COLEC12: variants seen among roughly 807,000 people sequenced by gnomAD.
COLEC12 encodes collectin subfamily member 12.
COLEC12 carries 33 observed loss-of-function variants against 71.1 expected under a neutral mutation model. That is an observed-to-expected ratio of 0.46 (90% CI 0.35 to 0.62). The LOEUF (loss-of-function observed/expected upper bound fraction) is 0.62. COLEC12 is among the 20% of genes least tolerant of loss of function. The pLI is 0.00. For missense variants in COLEC12, 765 were observed against 916.1 expected (o/e 0.84, Z 2.13); for synonymous variants, 350 against 353.0 (o/e 0.99, Z 0.10).
chr18:488,410 C>CA lies in COLEC12; in HGVS notation c.8-7654dup, dbSNP rs1917559107. Among the ~76,000 whole-genome samples the CA allele has an allele frequency of 2.0e-5, 3 of 150,850 alleles. No individual in the cohort carries two copies. The South Asian group carries it at 6.3e-4, about 32-fold the overall frequency. On this transcript the variant is annotated intron_variant, in intron 1 of 9. Coordinates refer to ENST00000400256, the MANE Select transcript of COLEC12 (RefSeq NM_130386.3). ...TGGGTGACAGAGCGTGACTCCATCT[C>CA]AAAAAAGAGAAAAAGAAAGAACTTT...
chr18:428,171 G>A (rs1444534229), intron 2 of COLEC12, among the ~76,000 whole-genome samples: 1 of 152,078 alleles, frequency 6.6e-6, no homozygotes, highest in Non-Finnish European at 1.5e-5. Context: ...GGCTGAGGCA[G>A]GAGAATCACT....
intron 2 of COLEC12, among the ~76,000 whole-genome samples, chr18:457,536 G>A (rs1916897201): frequency 6.6e-6 from 1 of 152,182 alleles, no homozygotes. Flanking sequence ...ATGTTGATTA[G>A]AGCTTCCCCC....
At chr18:364,173 T>G (rs1255328631) in intron 2 of COLEC12, among the ~76,000 whole-genome samples, 1 of 152,146 alleles carries the variant, frequency 6.6e-6, no homozygotes, top group African/African-American at 2.4e-5. Flanking sequence ...TGGTTTGGTT[T>G]TATTGTTTTT....
rs954126214 is a variant in COLEC12 at position 493,126 on chromosome 18, G to A, written c.7+7382C>T. ...GGAGGCTGAGGCAGGAGAATCGCTC[G>A]AACCCAAGAGACAGAGGTTACAGTG... is the stretch of plus-strand genomic sequence containing the variant. On this transcript the variant is annotated intron_variant, in intron 1 of 9. Coordinates refer to ENST00000400256, the MANE Select transcript of COLEC12 (RefSeq NM_130386.3). 1.1e-4 allele frequency among the ~76,000 whole-genome samples: 17 copies of A among 152,256 alleles called. No homozygotes were observed. In the East Asian group the frequency reaches 2.7e-3, roughly 24 times the overall value.
intron 2 of COLEC12, among the ~76,000 whole-genome samples, chr18:426,212 T>C (rs932840826): frequency 6.6e-6 from 1 of 152,190 alleles, no homozygotes; most frequent in Non-Finnish European, 1.5e-5. Flanking sequence ...ATTCCTAGGA[T>C]GTAATTAAGA....
At chr18:472,526 T>A (rs1035630455) in intron 2 of COLEC12, among the ~76,000 whole-genome samples, 8 of 150,800 alleles carry the variant, frequency 5.3e-5, no homozygotes, top group Non-Finnish European at 8.9e-5. Context: ...CAGAAAAAAA[T>A]TTTTTTAAAA....
At chr18:450,049 A>G (rs565238554) in intron 2 of COLEC12, among the ~76,000 whole-genome samples, 2 of 152,332 alleles carry the variant, frequency 1.3e-5, no homozygotes, top group East Asian at 3.9e-4. Context: ...TATTTAGTGA[A>G]GAAATTAGGC....
intron 6 of COLEC12, 175 bp downstream of exon 6, chr18:334,567 G>A (rs189467024): frequency 4.5e-5 from 20 of 439,778 alleles, no homozygotes; most frequent in Admixed American, 2.2e-4. Flanking sequence ...TGTGGAGGTT[G>A]CAGTGAGCCG....
chr18:409,979 T>C (rs1915862379), intron 2 of COLEC12, among the ~76,000 whole-genome samples: 1 of 152,214 alleles, frequency 6.6e-6, no homozygotes, highest in Non-Finnish European at 1.5e-5. Context: ...GATCTTCTAA[T>C]TACTAGCTGT....
At chr18:471,834 C>G (rs1333846501) in intron 2 of COLEC12, among the ~76,000 whole-genome samples, 1 of 152,044 alleles carries the variant, frequency 6.6e-6, no homozygotes, top group Non-Finnish European at 1.5e-5. Flanking sequence ...CAACCAGAGA[C>G]AGCCCATTCC....
intron 2 of COLEC12, among the ~76,000 whole-genome samples, chr18:359,136 G>A (rs1914689913): frequency 6.6e-6 from 1 of 152,176 alleles, no homozygotes; most frequent in Non-Finnish European, 1.5e-5. Context: ...GTTTGTTTCA[G>A]TGGCATGCTG....
intron 1 of COLEC12, among the ~76,000 whole-genome samples, chr18:487,076 G>T (rs925570360): frequency 2.6e-5 from 4 of 152,198 alleles, no homozygotes; most frequent in East Asian, 1.9e-4. Flanking sequence ...CAAGCCAAAG[G>T]TTCACTGACT....
chr18:398,909 G>A (rs1350539124), intron 2 of COLEC12, among the ~76,000 whole-genome samples: 1 of 152,170 alleles, frequency 6.6e-6, no homozygotes, highest in Non-Finnish European at 1.5e-5. Flanking sequence ...TTTATATATT[G>A]ATTCTAAGTG....
intron 7 of COLEC12, among the ~76,000 whole-genome samples, chr18:332,031 A>G (rs1274078224): frequency 1.3e-5 from 2 of 152,206 alleles, no homozygotes; most frequent in African/African-American, 4.8e-5. Context: ...TCACTCAGAC[A>G]ACCCAGTGAA....
chr18:439,869 T>A (rs1026118793), intron 2 of COLEC12, among the ~76,000 whole-genome samples: 5 of 152,300 alleles, frequency 3.3e-5, no homozygotes, highest in Middle Eastern at 3.4e-3. Context: ...AAAATCAGTA[T>A]CTTAAAGAGG....
chr18:414,242 G>A (rs1218381331), intron 2 of COLEC12, among the ~76,000 whole-genome samples: 1 of 152,182 alleles, frequency 6.6e-6, no homozygotes, highest in Non-Finnish European at 1.5e-5. Context: ...CTTCAGGGGT[G>A]ACTTGCAAAT....
At chr18:466,453 A>G (rs1300492005) in intron 2 of COLEC12, among the ~76,000 whole-genome samples, 1 of 151,960 alleles carries the variant, frequency 6.6e-6, no homozygotes, top group Non-Finnish European at 1.5e-5. Context: ...CTTTGCCTGA[A>G]TTTCAGCCCG....
chr18:429,847 C>T (rs774093749), intron 2 of COLEC12, among the ~76,000 whole-genome samples: 3 of 152,180 alleles, frequency 2.0e-5, no homozygotes, highest in Non-Finnish European at 2.9e-5. Flanking sequence ...TCTATCTACC[C>T]AAACTAGCGC....
rs1361527522 is a variant in COLEC12, at chr18:488,872, C to CA, written c.8-8116dup. ...TAGGCGACAGAGCAAGACTCTGTTT[C>CA]AAAAAAAAGAAAAAAAAAAGAAAAG... On this transcript the variant is annotated intron_variant, in intron 1 of 9. Transcript: ENST00000400256. Among the ~76,000 whole-genome samples, 10 of 108,760 alleles carry CA rather than the reference C, an allele frequency of 9.2e-5. No individual in the cohort carries two copies. In the East Asian group the frequency reaches 1.1e-3, roughly 12 times the overall value. 71.4% of individuals were successfully genotyped at this position (108,760 alleles called of 152,430 possible). A position where few individuals can be genotyped will look rare whatever the true frequency, so the allele number is the denominator to read the frequency against.
Sources: gnomAD v4.1 joint callset for allele counts (sites outside exome capture counted in the v4.1 genomes callset) on GRCh38, gnomAD v4.1.1 for gene constraint, MANE v1.5 for transcripts, NCBI Gene and HGNC (gene_info 2026-07-23, HGNC 2026-07-21) for gene names.